ASCL5: variants seen among roughly 807,000 people sequenced by gnomAD.
The protein encoded by ASCL5 is achaete-scute homolog 5.
For synonymous variants in ASCL5, 124 were observed against 131.5 expected (o/e 0.94, Z 0.39); for missense variants, 262 against 268.9 (o/e 0.97, Z 0.18).
Position 201,115,052 on chromosome 1 carries a change from G to A in ASCL5, c.321C>T (p.Arg107=). 1.6e-6 allele frequency: 2 copies of A among 1,232,144 alleles called. No individual in the cohort carries two copies. Among genetic ancestry groups the A allele is most frequent in the Non-Finnish European group, 1.0e-6 (1 of 988,336 alleles). The allele number at this position is 1,232,144 out of a possible 1,614,324, so 76.3% of individuals were successfully genotyped here. The stretch of plus-strand genomic sequence containing the variant: ...CAGCCAGGGCGCCGGGGAGGTGGCC[G>A]CGGAGGCGAGCGTAGCCCTCGTTGA... ...KCVNEGYARL[R]GHLPGALAEK... is the part of the protein sequence containing the mutation. Residue 107 remains arginine, a synonymous_variant, in exon 2 of 2, where the codon CGC becomes CGT. Coordinates refer to ENST00000449188, the MANE Select transcript of ASCL5 (RefSeq NM_001270601.2).
At chr1:201,123,379 G>A (rs1558095844) in intron 1 of ASCL5, among the ~76,000 whole-genome samples, 2 of 152,188 alleles carry the variant, frequency 1.3e-5, no homozygotes, top group Non-Finnish European at 2.9e-5. Flanking sequence ...GCTGCCCTCA[G>A]TTTAGTAGAA....
At position 201,113,957 on chromosome 1, in the gene ASCL5, T is replaced by G. The variant is rs1012443384; in HGVS notation, c.*795A>C. ...AGACAATGATCTAGGAATGAGAAAA[T>G]TCAACAATCCTTTTATTTAGCTCTT... On this transcript the variant is annotated 3_prime_UTR_variant, in exon 2 of 2. Transcript: ENST00000449188. 5 of 151,568 alleles carry G rather than the reference T, an allele frequency of 3.3e-5. No individual in the cohort carries two copies. The highest frequency in any genetic ancestry group is 2.1e-4 in the South Asian group (1 of 4,796). 9.4% of individuals were successfully genotyped at this position (151,568 alleles called of 1,614,324 possible). A position where few individuals can be genotyped will look rare whatever the true frequency, so the allele number is the denominator to read the frequency against.
rs542724789 is a variant in ASCL5 at position 201,116,820 on chromosome 1, A to G, written c.-505-943T>C. On this transcript the variant is annotated intron_variant, in intron 1 of 1. Coordinates refer to ENST00000449188, the MANE Select transcript of ASCL5 (RefSeq NM_001270601.2). ...AGTGTTCCATAAGTGCCATCTTAGC[A>G]CTTATCACACTACTCTATTATTTTT... Among the ~76,000 whole-genome samples the G allele has an allele frequency of 3.9e-5, 6 of 152,220 alleles. No homozygotes were observed. The South Asian group carries it at 8.3e-4, about 21-fold the overall frequency.
At chr1:201,122,773 C>T (rs1414428183) in intron 1 of ASCL5, among the ~76,000 whole-genome samples, 3 of 152,138 alleles carry the variant, frequency 2.0e-5, no homozygotes, top group Non-Finnish European at 4.4e-5. Context: ...GAGGCAACCA[C>T]CCCACTGCTA....
rs114192584 is a variant in ASCL5, at chr1:201,125,874, G to A, written c.-506+1210C>T. On this transcript the variant is annotated intron_variant, in intron 1 of 1. Coordinates refer to ENST00000449188, the MANE Select transcript of ASCL5 (RefSeq NM_001270601.2). The stretch of plus-strand genomic sequence containing the variant: ...AGCAAAGCAGGTGGTCTCACGAGCC[G>A]TGTCACCTTCCTTTAATGTCTGTGG... Among the ~76,000 whole-genome samples, 1,064 of 152,298 alleles carry A rather than the reference G, an allele frequency of 7.0e-3. 13 individuals carry two copies. Among genetic ancestry groups the A allele is most frequent in the African/African-American group, 0.024 (986 of 41,548 alleles).
intron 1 of ASCL5, among the ~76,000 whole-genome samples, chr1:201,118,517 T>A (rs565405837): frequency 1.3e-3 from 194 of 151,284 alleles, no homozygotes; most frequent in Admixed American, 2.2e-3. Context: ...ACTCATAACC[T>A]ATCTGCAAGA....
At chr1:201,116,172 C>A (rs1173249574) in intron 1 of ASCL5, among the ~76,000 whole-genome samples, 1 of 152,214 alleles carries the variant, frequency 6.6e-6, no homozygotes, top group Non-Finnish European at 1.5e-5. Context: ...TCCTAAAGGT[C>A]ATAGCTTATA....
At chr1:201,124,935 C>A (rs551769893) in intron 1 of ASCL5, among the ~76,000 whole-genome samples, 3 of 152,302 alleles carry the variant, frequency 2.0e-5, no homozygotes, top group South Asian at 2.1e-4. Flanking sequence ...GAGGCCCTCG[C>A]AGCTCCCTCT....
intron 1 of ASCL5, among the ~76,000 whole-genome samples, chr1:201,117,294 G>A (rs1024746190): frequency 2.6e-5 from 4 of 152,068 alleles, no homozygotes; most frequent in Non-Finnish European, 5.9e-5. Flanking sequence ...AAACTAGCTG[G>A]GTGGAATGGT....
At chr1:201,123,492 G>A (rs1663521141) in intron 1 of ASCL5, among the ~76,000 whole-genome samples, 1 of 152,208 alleles carries the variant, frequency 6.6e-6, no homozygotes, top group Non-Finnish European at 1.5e-5. Flanking sequence ...GCCTTATGAT[G>A]TCAGGACTGA....
chr1:201,117,114 G>A (rs996249663), intron 1 of ASCL5, among the ~76,000 whole-genome samples: 10 of 152,172 alleles, frequency 6.6e-5, no homozygotes, highest in African/African-American at 2.4e-4. Context: ...ATGATTCTAA[G>A]CGTCATGGAG....
At chr1:201,118,914 T>G (rs1309164615) in intron 1 of ASCL5, among the ~76,000 whole-genome samples, 1 of 152,180 alleles carries the variant, frequency 6.6e-6, no homozygotes, top group African/African-American at 2.4e-5. Flanking sequence ...AAAGGCCCAC[T>G]GTTAGGAATT....
chr1:201,118,722 AAATAAT>A (rs1040651787), intron 1 of ASCL5, among the ~76,000 whole-genome samples: 1 of 152,110 alleles, frequency 6.6e-6, no homozygotes, highest in African/African-American at 2.4e-5. Context: ...CATTGTAGTG[AAATAAT>A]AATAATAATG....
chr1:201,114,851 G>T lies in ASCL5; in HGVS notation c.522C>A (p.Asp174Glu). Reference sequence around the variant, plus strand: ...GGGAGGAGGGCGCCCGGGCCTCGCCGTCGCCAGGGCGGTCGGGACGGGGGG... The same window carrying T: ...GGGAGGAGGGCGCCCGGGCCTCGCCTTCGCCAGGGCGGTCGGGACGGGGGG... ...PATPRPDRPG[D>E]GEARAPSSLV... is the part of the protein sequence containing the mutation. Residue 174 changes from aspartate to glutamate, a missense_variant, in exon 2 of 2, where the codon GAC (aspartate) becomes GAA (glutamate). Transcript: ENST00000449188. The T allele has an allele frequency of 8.1e-7, 1 of 1,228,824 alleles. No individual in the cohort carries two copies. The highest frequency in any genetic ancestry group is 1.0e-6 in the Non-Finnish European group (1 of 986,058). The allele number at this position is 1,228,824 out of a possible 1,614,324, so 76.1% of individuals were successfully genotyped here.
intron 1 of ASCL5, among the ~76,000 whole-genome samples, chr1:201,122,041 G>A (rs1402005602): frequency 6.6e-6 from 1 of 152,192 alleles, no homozygotes; most frequent in Non-Finnish European, 1.5e-5. Context: ...GGGAGAAGGG[G>A]CAGCCAGGCC....
Position 201,115,497 on chromosome 1 carries a change from CTAGGGCCTCTTTT to C in ASCL5, c.-138_-126del. The C allele has an allele frequency of 5.3e-6, 4 of 756,518 alleles. No individual in the cohort carries two copies. The highest frequency in any genetic ancestry group is 7.2e-6 in the Non-Finnish European group (4 of 554,958). The allele number at this position is 756,518 out of a possible 1,614,324, so 46.9% of individuals were successfully genotyped here. The stretch of plus-strand genomic sequence containing the variant: ...AGCAGCTCTTGGGTACCAGGACTTG[CTAGGGCCTCTTTT>C]CGCCCTTTAGGGTGGCTTCCAATGA... On this transcript the variant is annotated 5_prime_UTR_variant, in exon 2 of 2. An upstream open reading frame in the 5' UTR loses its in-frame stop. Transcript: ENST00000449188.
At chr1:201,122,775 C>T (rs1199191805) in intron 1 of ASCL5, among the ~76,000 whole-genome samples, 1 of 152,112 alleles carries the variant, frequency 6.6e-6, no homozygotes. Context: ...GGCAACCACC[C>T]CACTGCTAAA....
intron 1 of ASCL5, among the ~76,000 whole-genome samples, chr1:201,120,285 C>A (rs1663425895): frequency 6.6e-6 from 1 of 152,132 alleles, no homozygotes; most frequent in Non-Finnish European, 1.5e-5. Flanking sequence ...CAATATTAGC[C>A]CCTTGTTGTC....
At chr1:201,117,433 T>TAA in intron 1 of ASCL5, among the ~76,000 whole-genome samples, 1 of 146,764 alleles carries the variant, frequency 6.8e-6, no homozygotes, top group East Asian at 2.0e-4. Context: ...AAGACTCCAT[T>TAA]AAAAAAAAAA....
Sources: allele counts gnomAD v4.1 joint callset (sites outside exome capture counted in the v4.1 genomes callset), GRCh38; gene constraint gnomAD v4.1.1; transcripts MANE v1.5; gene names NCBI Gene and HGNC (gene_info 2026-07-23, HGNC 2026-07-21).